The following ZZZ3 variants were observed in gnomAD, a reference collection of about 807,000 sequenced individuals.
The protein encoded by ZZZ3 is ZZ-type zinc finger-containing protein 3.
A neutral mutation model predicts 95.2 loss-of-function variants in ZZZ3; 22 were observed. The ratio of observed to expected loss-of-function variants is 0.23; its 90% CI spans 0.17 to 0.33. ZZZ3 has a LOEUF of 0.33. Ranked by LOEUF, ZZZ3 falls within the 10% of genes least tolerant of loss-of-function variation. The pLI is 1.00. For missense variants in ZZZ3, 885 were observed against 1,066.5 expected (o/e 0.83, Z 2.37); for synonymous variants, 335 against 358.9 (o/e 0.93, Z 0.75).
chr1:77,630,317 CA>C (rs140432890), intron 5 of ZZZ3, among the ~76,000 whole-genome samples: 1 of 151,490 alleles, frequency 6.6e-6, no homozygotes, highest in South Asian at 2.1e-4. Flanking sequence ...CTACAAAATA[CA>C]AAAAAATATT....
chr1:77,652,082 C>T (rs76040536), intron 1 of ZZZ3, among the ~76,000 whole-genome samples: 3 of 147,734 alleles, frequency 2.0e-5, no homozygotes, highest in South Asian at 2.1e-4. Flanking sequence ...ACAATTAAAA[C>T]ATAAAAATTC....
intron 5 of ZZZ3, among the ~76,000 whole-genome samples, chr1:77,597,725 C>T (rs1002464054): frequency 6.6e-6 from 1 of 152,100 alleles, no homozygotes; most frequent in East Asian, 1.9e-4. Flanking sequence ...CTGTTCAGAT[C>T]AACAACAAGG....
intron 5 of ZZZ3, among the ~76,000 whole-genome samples, chr1:77,585,438 C>A (rs1180050097): frequency 6.6e-6 from 1 of 152,154 alleles, no homozygotes; most frequent in Admixed American, 6.5e-5. Context: ...TAATATTTAA[C>A]TTCACATTAT....
At chr1:77,570,702 C>T (rs1298287294) in intron 12 of ZZZ3, among the ~76,000 whole-genome samples, 1 of 150,980 alleles carries the variant, frequency 6.6e-6, no homozygotes, top group Non-Finnish European at 1.5e-5. Context: ...GGGTTTCACT[C>T]TGTCACCCAG....
Position 77,566,084 on chromosome 1 carries a change from T to A in ZZZ3, c.2564A>T (p.Asp855Val). ...TGACAATGAAGAAAACACTTACCAG[T>A]CTGAACAAGAATCACAGAAATCCAA... ...MSLDFCDSCS[D>V]CLHETDIHKE... Residue 855 changes from aspartate to valine, a missense_variant, in exon 14 of 15, where the codon GAC (aspartate) becomes GTC (valine). By Grantham distance (152) the Asp-to-Val change is radical. This residue lies in a region of ZZZ3 where 221 missense variants were observed against 247.8 expected (regional missense o/e 0.89). Transcript: ENST00000370801. 1 of 1,611,198 alleles carries A rather than the reference T, an allele frequency of 6.2e-7. No individual in the cohort carries two copies. Among genetic ancestry groups the A allele is most frequent in the Admixed American group, 1.7e-5 (1 of 59,768 alleles).
intron 1 of ZZZ3, among the ~76,000 whole-genome samples, chr1:77,649,327 A>G (rs1276666947): frequency 6.6e-6 from 1 of 152,180 alleles, no homozygotes; most frequent in Non-Finnish European, 1.5e-5. Flanking sequence ...ACATGCCAGA[A>G]AACAGTGAGG....
intron 1 of ZZZ3, among the ~76,000 whole-genome samples, chr1:77,664,505 T>G (rs1050800452): frequency 6.6e-5 from 10 of 152,222 alleles, no homozygotes; most frequent in African/African-American, 2.4e-4. Context: ...TTTTTTATTC[T>G]CTTAGTACAT....
At chr1:77,657,353 A>G (rs529167519) in intron 1 of ZZZ3, among the ~76,000 whole-genome samples, 19 of 152,290 alleles carry the variant, frequency 1.2e-4, no homozygotes, top group Admixed American at 1.2e-3. Context: ...TTTTCATCAC[A>G]GCCTTCTTGC....
At chr1:77,659,176 C>CAT (rs918310285) in intron 1 of ZZZ3, among the ~76,000 whole-genome samples, 41 of 151,976 alleles carry the variant, frequency 2.7e-4, no homozygotes, top group African/African-American at 9.4e-4. Flanking sequence ...CGAGATCATG[C>CAT]ATATATATAT....
chr1:77,662,047 G>A (rs1464594451), intron 1 of ZZZ3, among the ~76,000 whole-genome samples: 1 of 144,112 alleles, frequency 6.9e-6, no homozygotes, highest in Non-Finnish European at 1.5e-5. Context: ...ATGGAGTTTT[G>A]CTCTGTCGCC....
chr1:77,612,035 A>G (rs757570081), intron 5 of ZZZ3, among the ~76,000 whole-genome samples: 3 of 152,068 alleles, frequency 2.0e-5, no homozygotes, highest in Non-Finnish European at 2.9e-5. Context: ...TAAAAAGGCA[A>G]CCTACAAAGA....
chr1:77,572,989 G>A (rs1245184292), intron 12 of ZZZ3, among the ~76,000 whole-genome samples: 1 of 151,866 alleles, frequency 6.6e-6, no homozygotes, highest in South Asian at 2.1e-4. Context: ...TCTTCATCTG[G>A]CCAATTTTTA....
chr1:77,673,353 T>C (rs1055513154), intron 1 of ZZZ3, among the ~76,000 whole-genome samples: 2 of 152,034 alleles, frequency 1.3e-5, no homozygotes, highest in Non-Finnish European at 2.9e-5. Context: ...TCCCTGCACT[T>C]TGGGAGGCTG....
intron 1 of ZZZ3, among the ~76,000 whole-genome samples, chr1:77,676,736 G>A (rs1257293355): frequency 3.3e-5 from 5 of 151,948 alleles, no homozygotes; most frequent in Non-Finnish European, 7.4e-5. Flanking sequence ...AAAACAATAT[G>A]AATGTTCTTA....
intron 12 of ZZZ3, among the ~76,000 whole-genome samples, chr1:77,570,119 T>C (rs996119361): frequency 6.6e-6 from 1 of 152,222 alleles, no homozygotes; most frequent in Admixed American, 6.5e-5. Flanking sequence ...TTTTCTTTTT[T>C]TGAGACAGAG....
At chr1:77,577,193 T>G (rs1191423360) in intron 11 of ZZZ3, among the ~76,000 whole-genome samples, 5 of 152,294 alleles carry the variant, frequency 3.3e-5, no homozygotes, top group Middle Eastern at 3.4e-3. Flanking sequence ...TGGCAAGCAA[T>G]CATTGTAAAT....
At chr1:77,574,781 T>C (rs747878703) in intron 12 of ZZZ3, among the ~76,000 whole-genome samples, 1 of 152,170 alleles carries the variant, frequency 6.6e-6, no homozygotes, top group Non-Finnish European at 1.5e-5. Flanking sequence ...CATCAATGAA[T>C]TGAAATACAT....
chr1:77,574,475 G>C (rs1454611845), intron 12 of ZZZ3, among the ~76,000 whole-genome samples: 1 of 151,990 alleles, frequency 6.6e-6, no homozygotes, highest in Non-Finnish European at 1.5e-5. Context: ...AAATAAAAAT[G>C]TATCATATTT....
At chr1:77,628,440 G>A (rs891736813) in intron 5 of ZZZ3, among the ~76,000 whole-genome samples, 45 of 152,186 alleles carry the variant, frequency 3.0e-4, no homozygotes, top group African/African-American at 1.1e-3. Flanking sequence ...AAAGCACACT[G>A]TGGATTTATG....
Sources: gnomAD v4.1 joint callset for allele counts (sites outside exome capture counted in the v4.1 genomes callset) on GRCh38, gnomAD v4.1.1 for gene constraint, gnomAD v4.1.1 regional missense constraint, MANE v1.5 for transcripts, NCBI Gene and HGNC (gene_info 2026-07-23, HGNC 2026-07-21) for gene names.